Variants in ERCC6L2 observed in about 807,000 individuals in gnomAD.
ERCC6L2 encodes ERCC excision repair 6 like 2, also known as DNA excision repair protein ERCC-6-like 2.
In ERCC6L2, 77 loss-of-function variants were observed where a neutral mutation model predicts 132.0. The ratio of observed to expected loss-of-function variants is 0.58; its 90% CI spans 0.49 to 0.71. The LOEUF (loss-of-function observed/expected upper bound fraction) is 0.71, where lower values mean the gene tolerates loss of function less well. Ranked by LOEUF, ERCC6L2 falls within the 30% of genes least tolerant of loss-of-function variation. The pLI is 0.00. For synonymous variants in ERCC6L2, 583 were observed against 632.4 expected (o/e 0.92, Z 1.17); for missense variants, 1,542 against 1,837.6 (o/e 0.84, Z 2.94).
At chr9:95,986,290 G>A (rs985594937) in intron 17 of ERCC6L2, among the ~76,000 whole-genome samples, 3 of 152,160 alleles carry the variant, frequency 2.0e-5, no homozygotes, top group Non-Finnish European at 4.4e-5. Context: ...GGTCTGGAAG[G>A]AGGCATTTTC....
At chr9:95,951,518 G>A (rs974669632) in intron 12 of ERCC6L2, among the ~76,000 whole-genome samples, 1 of 152,098 alleles carries the variant, frequency 6.6e-6, no homozygotes, top group Non-Finnish European at 1.5e-5. Context: ...CCAAGAGTTG[G>A]TTGTTTGAAA....
chr9:95,937,319 G>T (rs866678451), intron 11 of ERCC6L2, among the ~76,000 whole-genome samples: 2 of 152,138 alleles, frequency 1.3e-5, no homozygotes, highest in Non-Finnish European at 1.5e-5. Flanking sequence ...TAGCCATTCT[G>T]ATGGGCATGT....
chr9:95,892,744 T>C (rs1195917524), intron 2 of ERCC6L2, among the ~76,000 whole-genome samples: 2 of 152,166 alleles, frequency 1.3e-5, no homozygotes, highest in African/African-American at 2.4e-5. Context: ...TTTCTTTTAA[T>C]CTGCTAGTTT....
intron 17 of ERCC6L2, among the ~76,000 whole-genome samples, chr9:95,979,385 T>G (rs1170861696): frequency 6.6e-6 from 1 of 152,096 alleles, no homozygotes; most frequent in African/African-American, 2.4e-5. Flanking sequence ...CAAAATGCCA[T>G]AACACCCTGC....
At chr9:95,910,826 G>A (rs1829307879) in intron 4 of ERCC6L2, among the ~76,000 whole-genome samples, 1 of 151,854 alleles carries the variant, frequency 6.6e-6, no homozygotes, top group South Asian at 2.1e-4. Context: ...GGCATAGAGA[G>A]GTTAAATAAT....
chr9:95,915,294 G>A (rs1829529792), intron 4 of ERCC6L2, among the ~76,000 whole-genome samples: 1 of 151,998 alleles, frequency 6.6e-6, no homozygotes, highest in South Asian at 2.1e-4. Flanking sequence ...AAAATCATGA[G>A]TTTATATTGA....
At chr9:96,032,148 A>C in intron 19 of ERCC6L2, among the ~76,000 whole-genome samples, 1 of 151,544 alleles carries the variant, frequency 6.6e-6, no homozygotes, top group African/African-American at 2.4e-5. Context: ...CACCTTCCAC[A>C]CCGGAACCTT....
At chr9:95,878,280 A>C (rs774692347) in intron 1 of ERCC6L2, among the ~76,000 whole-genome samples, 7 of 152,260 alleles carry the variant, frequency 4.6e-5, no homozygotes, top group Non-Finnish European at 8.8e-5. Flanking sequence ...AATCTAAAGT[A>C]ACAAATAGCT....
At chr9:95,929,114 C>T (rs1393639164) in intron 11 of ERCC6L2, 7 of 269,856 alleles carry the variant, frequency 2.6e-5, no homozygotes, top group Non-Finnish European at 4.9e-5. Context: ...GATACTTCCT[C>T]CTATGAATTT....
chr9:96,029,123 T>A (rs918912551), intron 19 of ERCC6L2, among the ~76,000 whole-genome samples: 3 of 151,676 alleles, frequency 2.0e-5, no homozygotes, highest in Non-Finnish European at 2.9e-5. Context: ...GCTAACATGG[T>A]GAAACCCCGT....
At chr9:95,954,993 C>CA in intron 12 of ERCC6L2, 2 of 414,214 alleles carry the variant, frequency 4.8e-6, no homozygotes, top group South Asian at 1.8e-5. Flanking sequence ...AAATTTCCCC[C>CA]AAATTGTGAC....
At chr9:96,034,776 A>G (rs1834501097) in intron 19 of ERCC6L2, among the ~76,000 whole-genome samples, 1 of 151,338 alleles carries the variant, frequency 6.6e-6, no homozygotes, top group South Asian at 2.1e-4. Flanking sequence ...CCTGGATGGG[A>G]CTACAGCCAC....
At position 95,972,788 on chromosome 9, in the gene ERCC6L2, C is replaced by T. The variant is rs773863650; in HGVS notation, c.3037C>T (p.Leu1013Phe). 2 of 1,304,144 alleles carry T rather than the reference C, an allele frequency of 1.5e-6. No homozygotes were observed. The highest frequency in any genetic ancestry group is 2.5e-5 in the South Asian group (2 of 80,944). The allele number at this position is 1,304,144 out of a possible 1,614,324, so 80.8% of individuals were successfully genotyped here. ...FKRIKETKKELHNSPKTMNKT... is the reference protein window; with the variant it reads ...FKRIKETKKEFHNSPKTMNKT... ...GAGAATAAAAGAAACCAAAAAAGAACTTCACAATTCTCCCAAAACAATGAA... is the reference window on the plus strand; with the variant it reads ...GAGAATAAAAGAAACCAAAAAAGAATTTCACAATTCTCCCAAAACAATGAA... The change falls in exon 16 of 19, where the codon CTT (leucine) becomes TTT (phenylalanine). Residue 1013 changes from leucine to phenylalanine, a missense_variant. Around this residue, in one of 4 missense-constraint regions of ERCC6L2, gnomAD observed 945 missense variants for 1,105.2 expected, o/e 0.86. Transcript: ENST00000653738.
At position 95,875,919 on chromosome 9, in the gene ERCC6L2, GC is replaced by G; in HGVS notation, c.-119del. Reference sequence around the variant, plus strand: ...TGGCTTCGGGTTGCCGAAGAGCGATGCTCGGAGGGCGGCCGGAAGTGGCGTT... The same window carrying G: ...TGGCTTCGGGTTGCCGAAGAGCGATGTCGGAGGGCGGCCGGAAGTGGCGTT... On this transcript the variant is annotated 5_prime_UTR_variant, in exon 1 of 19. Coordinates refer to ENST00000653738, the MANE Select transcript of ERCC6L2 (RefSeq NM_020207.7). 9.1e-7 allele frequency: 1 copy of G among 1,096,678 alleles called. No individual in the cohort carries two copies. Among genetic ancestry groups the G allele is most frequent in the Non-Finnish European group, 1.3e-6 (1 of 755,220 alleles). 67.9% of individuals were successfully genotyped at this position (1,096,678 alleles called of 1,614,324 possible). A position where few individuals can be genotyped will look rare whatever the true frequency, so the allele number is the denominator to read the frequency against.
In ERCC6L2 at chr9:96,018,343, TA is replaced by T. The variant is rs1266200572; in HGVS notation, c.*5141del. 6.6e-6 allele frequency among the ~76,000 whole-genome samples: 1 copy of T among 152,250 alleles called. No individual in the cohort carries two copies. Among genetic ancestry groups the T allele is most frequent in the Non-Finnish European group, 1.5e-5 (1 of 68,046 alleles). ...TTTTGATGTATGTGAGATTGCTGACTATATTTTACTTATCAATTTGAAATTA... is the reference window on the plus strand; with the variant it reads ...TTTTGATGTATGTGAGATTGCTGACTTATTTTACTTATCAATTTGAAATTA... On this transcript the variant is annotated 3_prime_UTR_variant, in exon 19 of 19. Coordinates refer to ENST00000653738, the MANE Select transcript of ERCC6L2 (RefSeq NM_020207.7).
chr9:95,932,267 T>C (rs908189835), intron 11 of ERCC6L2, among the ~76,000 whole-genome samples: 3 of 152,138 alleles, frequency 2.0e-5, no homozygotes, highest in African/African-American at 7.2e-5. Flanking sequence ...GATTTCACCA[T>C]ATTATCCAGG....
At chr9:95,895,748 GAC>G (rs1828422452) in intron 2 of ERCC6L2, among the ~76,000 whole-genome samples, 1 of 125,158 alleles carries the variant, frequency 8.0e-6, no homozygotes, top group Non-Finnish European at 1.7e-5. Context: ...TTTTTTTTGA[GAC>G]AGAGTCTTGC....
Position 96,013,374 on chromosome 9 carries a change from T to G in ERCC6L2, c.*171T>G, listed in dbSNP as rs887050713. On this transcript the variant is annotated 3_prime_UTR_variant, in exon 19 of 19. Coordinates refer to ENST00000653738, the MANE Select transcript of ERCC6L2 (RefSeq NM_020207.7). ...ATTGTCATGGATCTGTTTTTCTTGA[T>G]ATTTGATTTGATCTTTCAAGAATAT... The G allele has an allele frequency of 1.2e-5, 5 of 414,104 alleles. No individual in the cohort carries two copies. The highest frequency in any genetic ancestry group is 1.0e-4 in the African/African-American group (5 of 47,910). 25.7% of individuals were successfully genotyped at this position (414,104 alleles called of 1,614,324 possible). A position where few individuals can be genotyped will look rare whatever the true frequency, so the allele number is the denominator to read the frequency against.
chr9:95,928,706 A>T lies in ERCC6L2; in HGVS notation c.1606-13A>T. On this transcript the variant is annotated splice_polypyrimidine_tract_variant and intron_variant, in intron 10 of 18. Coordinates refer to ENST00000653738, the MANE Select transcript of ERCC6L2 (RefSeq NM_020207.7). ...AAGATTCATGTTTGCCCATCTTCATACCTCTCGTCTAGTTGCTTGACGTGC... is the reference window on the plus strand; with the variant it reads ...AAGATTCATGTTTGCCCATCTTCATTCCTCTCGTCTAGTTGCTTGACGTGC... 6.3e-7 allele frequency: 1 copy of T among 1,587,394 alleles called. No homozygotes were observed. The highest frequency in any genetic ancestry group is 1.2e-5 in the South Asian group (1 of 85,904).
Sources: allele counts gnomAD v4.1 joint callset (sites outside exome capture counted in the v4.1 genomes callset), GRCh38; gene constraint gnomAD v4.1.1; regional missense constraint gnomAD v4.1.1; transcripts MANE v1.5; gene names NCBI Gene and HGNC (gene_info 2026-07-23, HGNC 2026-07-21).